The following BPIFB1 variants were observed in gnomAD, a reference collection of about 807,000 sequenced individuals.
BPIFB1 encodes BPI fold-containing family B member 1.
Under a neutral mutation model 55.1 loss-of-function variants are expected in BPIFB1, and 34 were observed. The observed-to-expected ratio is 0.62, with a 90% CI of 0.47 to 0.82. The LOEUF is 0.82. BPIFB1 is among the 40% of genes least tolerant of loss of function. The probability of loss-of-function intolerance (pLI) is 0.00; values close to 1 mark genes in which losing one functional copy is unlikely to be tolerated. For synonymous variants in BPIFB1, 236 were observed against 245.3 expected (o/e 0.96, Z 0.35); for missense variants, 532 against 593.1 (o/e 0.90, Z 1.07).
In BPIFB1 at chr20:33,309,292, G is replaced by T. The variant is rs1454861460; in HGVS notation, c.1396-416G>T. Among the ~76,000 whole-genome samples the T allele has an allele frequency of 2.0e-5, 3 of 152,138 alleles. No homozygotes were observed. The East Asian group carries it at 5.8e-4, about 29-fold the overall frequency. The stretch of plus-strand genomic sequence containing the variant: ...GTTTCTGTCTGCTTTGTTCTCTGTT[G>T]TGATCAGTGGCTGCACACAGTAGGT... On this transcript the variant is annotated intron_variant, in intron 15 of 15. Transcript: ENST00000253354. This position sits in a 1 kb window ranked among gnomAD's most constrained non-coding sequence, Gnocchi z 4.4.
chr20:33,309,161 G>A lies in BPIFB1; in HGVS notation c.1396-547G>A, dbSNP rs1568656007. Among the ~76,000 whole-genome samples the A allele has an allele frequency of 6.6e-6, 1 of 152,082 alleles. No individual in the cohort carries two copies. On this transcript the variant is annotated intron_variant, in intron 15 of 15. Transcript: ENST00000253354. The surrounding 1 kb of genome is among the most constrained non-coding windows in gnomAD (Gnocchi z 4.4). ...GAGGATCTATGGCAGTGTCACCCTC[G>A]CTCCCAAATACTACCCTTAAGAAGA...
Position 33,301,295 on chromosome 20 carries a change from G to T in BPIFB1, c.810G>T (p.Leu270=). 1 of 1,614,222 alleles carries T rather than the reference G, an allele frequency of 6.2e-7. No individual in the cohort carries two copies. Among genetic ancestry groups the T allele is most frequent in the Non-Finnish European group, 8.5e-7 (1 of 1,180,036 alleles). The part of the protein sequence containing the change: ...TKWFNNSAAS[L]TMPTLDNIPF... ...GGTTCAATAACTCTGCAGCTTCCCT[G>T]ACAATGCCCACCCTGGACAACATCC... is the stretch of plus-strand genomic sequence containing the variant. The change falls in exon 9 of 16, where the codon CTG becomes CTT. Residue 270 remains leucine, a synonymous_variant. Transcript: ENST00000253354.
At position 33,303,053 on chromosome 20, in the gene BPIFB1, C is replaced by T. The variant is rs76158089; in HGVS notation, c.1119C>T (p.Arg373=). ...LEVFPSSEAL[R]PLFTLGIEAS... ...TGTTTCCCTCCAGTGAAGCCCTCCG[C>T]CCTTTGTTCACCCTGGGCATCGTGA... is the stretch of plus-strand genomic sequence containing the variant. Residue 373 remains arginine (R), a synonymous_variant, in exon 11 of 16, where the codon CGC becomes CGT. Transcript: ENST00000253354. 2.3e-4 allele frequency: 374 copies of T among 1,613,902 alleles called. 1 individual carries two copies. In the African/African-American group the frequency reaches 3.8e-3, roughly 17 times the overall value.
chr20:33,303,141 C>G (rs1421854725), intron 11 of BPIFB1, 67 bp downstream of exon 11: 4 of 1,579,970 alleles, frequency 2.5e-6, no homozygotes, highest in Admixed American at 1.7e-5. Context: ...TTCCTGTTCG[C>G]CCTCTTGCTT....
At chr20:33,288,491 G>T (rs1011205798) in intron 2 of BPIFB1, among the ~76,000 whole-genome samples, 1 of 152,186 alleles carries the variant, frequency 6.6e-6, no homozygotes, top group African/African-American at 2.4e-5. Context: ...GGCTGGCAAT[G>T]CTCAGGGGTG....
chr20:33,308,806 CACAT>C (rs60580356), intron 15 of BPIFB1, among the ~76,000 whole-genome samples: 5 of 150,134 alleles, frequency 3.3e-5, no homozygotes, highest in Non-Finnish European at 4.5e-5. Flanking sequence ...ACACACCACA[CACAT>C]ACACACTACA....
intron 6 of BPIFB1, among the ~76,000 whole-genome samples, chr20:33,295,336 C>T (rs929464418): frequency 2.0e-5 from 3 of 149,934 alleles, no homozygotes; most frequent in Non-Finnish European, 3.0e-5. Flanking sequence ...CTGGTCGTGG[C>T]GGCTCACTCC....
intron 7 of BPIFB1, among the ~76,000 whole-genome samples, 184 bp from the exon 8 acceptor site, chr20:33,299,715 G>C (rs1980783555): frequency 6.6e-6 from 1 of 152,154 alleles, no homozygotes; most frequent in Admixed American, 6.5e-5. Context: ...CTGGCACTTA[G>C]TGGATGCTCG....
In BPIFB1 at chr20:33,309,560, C is replaced by T; in HGVS notation, c.1396-148C>T. The stretch of plus-strand genomic sequence containing the variant: ...TAATGTTCACACACAGACCCTCCAC[C>T]CCGACCCTTCTAAGAATTCTGTATT... On this transcript the variant is annotated intron_variant, in intron 15 of 15. Coordinates refer to ENST00000253354, the MANE Select transcript of BPIFB1 (RefSeq NM_033197.3). The surrounding 1 kb of genome is among the most constrained non-coding windows in gnomAD (Gnocchi z 4.4). 1 of 703,340 alleles carries T rather than the reference C, an allele frequency of 1.4e-6. No individual in the cohort carries two copies. Among genetic ancestry groups the T allele is most frequent in the Non-Finnish European group, 2.5e-6 (1 of 407,494 alleles). The allele number at this position is 703,340 out of a possible 1,614,324, so 43.6% of individuals were successfully genotyped here.
At chr20:33,302,745 C>T (rs935017442) in intron 10 of BPIFB1, 171 bp from the exon 11 acceptor site, 3 of 758,272 alleles carry the variant, frequency 4.0e-6, no homozygotes, top group Admixed American at 2.9e-5. Flanking sequence ...CCAAAGGCTG[C>T]CAGGTAGGGA....
intron 2 of BPIFB1, among the ~76,000 whole-genome samples, chr20:33,288,227 G>A (rs180878582): frequency 3.9e-5 from 6 of 152,298 alleles, no homozygotes; most frequent in Non-Finnish European, 8.8e-5. Context: ...GCTGGGACAA[G>A]AACCCAGGGC....
intron 9 of BPIFB1, among the ~76,000 whole-genome samples, chr20:33,302,046 T>C (rs900733163): frequency 6.6e-6 from 1 of 151,646 alleles, no homozygotes; most frequent in Non-Finnish European, 1.5e-5. Context: ...AAATAGGGAG[T>C]GGTCACCAAC....
intron 7 of BPIFB1, chr20:33,299,349 G>A (rs184573079): frequency 3.5e-5 from 12 of 340,732 alleles, no homozygotes; most frequent in African/African-American, 3.3e-4. Context: ...GAGATCTTTG[G>A]GGGGAGCAGA....
At chr20:33,300,259 GCCAATCC>G (rs1487881157) in intron 8 of BPIFB1, among the ~76,000 whole-genome samples, 2 of 152,160 alleles carry the variant, frequency 1.3e-5, no homozygotes, top group Admixed American at 1.3e-4. Context: ...GCAAGTCCCT[GCCAATCC>G]CCAAACCTAT....
chr20:33,294,144 T>G (rs1005003006), intron 6 of BPIFB1, among the ~76,000 whole-genome samples: 2 of 152,162 alleles, frequency 1.3e-5, no homozygotes, highest in Admixed American at 6.5e-5. Flanking sequence ...AGTCGAAATA[T>G]CTACATATTA....
rs1228107525 is a variant in BPIFB1, at chr20:33,302,420, T to G, written c.981+8T>G. ...GGGCTGATCAATGAAAAGGTTGGTC[T>G]GTTTGCCATCTGCAGCTTGAGGGGT... On this transcript the variant is annotated splice_region_variant and intron_variant, in intron 10 of 15. Transcript: ENST00000253354. The G allele has an allele frequency of 1.9e-6, 3 of 1,613,938 alleles. No homozygotes were observed. Among genetic ancestry groups the G allele is most frequent in the Non-Finnish European group, 2.5e-6 (3 of 1,179,974 alleles).
chr20:33,305,519 A>G (rs951645774), intron 13 of BPIFB1, among the ~76,000 whole-genome samples: 44 of 151,890 alleles, frequency 2.9e-4, no homozygotes, highest in East Asian at 1.4e-3. Flanking sequence ...GGGTTTCACC[A>G]TGTTAGCCAA....
intron 6 of BPIFB1, among the ~76,000 whole-genome samples, chr20:33,296,263 A>T (rs6141382): frequency 1.3e-5 from 2 of 152,150 alleles, no homozygotes; most frequent in Non-Finnish European, 1.5e-5. Flanking sequence ...GGTGAGAAAC[A>T]GGCTCCCCTG....
intron 6 of BPIFB1, 29 bp downstream of exon 6, chr20:33,292,017 G>T: frequency 6.2e-7 from 1 of 1,603,662 alleles, no homozygotes; most frequent in Non-Finnish European, 8.5e-7. Context: ...TCTCTGGCCT[G>T]TGGGCATTGC....
Sources: gnomAD v4.1 joint callset for allele counts (sites outside exome capture counted in the v4.1 genomes callset) on GRCh38, gnomAD v4.1.1 for gene constraint, Gnocchi (gnomAD v3.1) non-coding constraint, MANE v1.5 for transcripts, NCBI Gene and HGNC (gene_info 2026-07-23, HGNC 2026-07-21) for gene names.